The following ATP8B1 variants were observed in gnomAD, a reference collection of about 807,000 sequenced individuals.
ATP8B1 encodes the protein ATPase phospholipid transporting 8B1.
ATP8B1 carries 80 observed loss-of-function variants against 149.9 expected under a neutral mutation model. The observed-to-expected ratio is 0.53, with a 90% CI of 0.45 to 0.64. The LOEUF (loss-of-function observed/expected upper bound fraction) is 0.64, where lower values mean the gene tolerates loss of function less well. Among genes scored for constraint, ATP8B1 ranks in the 30% least tolerant of loss-of-function variants. The probability of loss-of-function intolerance (pLI) is 0.00; values close to 1 mark genes in which losing one functional copy is unlikely to be tolerated. For missense variants in ATP8B1, 1,247 were observed against 1,552.6 expected, an observed-to-expected ratio of 0.80 and a Z score of 3.31; for synonymous variants, 536 against 562.8, an observed-to-expected ratio of 0.95 and a Z score of 0.67.
At chr18:57,664,501 GAAAAAAAAA>G (rs532262308) in intron 20 of ATP8B1, among the ~76,000 whole-genome samples, 5 of 99,480 alleles carry the variant, frequency 5.0e-5, no homozygotes, top group East Asian at 5.4e-4. Flanking sequence ...GTCTTTCTAA[GAAAAAAAAA>G]AAAAAAAAAA....
At position 57,648,562 on chromosome 18, in the gene ATP8B1, G is replaced by A. The variant is rs371785570; in HGVS notation, c.3682C>T (p.Arg1228Cys). 1.9e-6 allele frequency: 3 copies of A among 1,611,474 alleles called. No homozygotes were observed. The highest frequency in any genetic ancestry group is 2.7e-5 in the African/African-American group (2 of 74,998). ...GCATCAAGCGGCGAGCGCTTCTTGC[G>A]GATGCTGCGCCCGGAGGAGATGAGG... is the stretch of plus-strand genomic sequence containing the variant. Reference protein sequence around the residue: ...ADLISSGRSIRKKRSPLDAIV... With the variant: ...ADLISSGRSICKKRSPLDAIV... The change falls in exon 28 of 28, where the codon CGC becomes TGC. Residue 1228 changes from arginine to cysteine, a missense_variant. Transcript: ENST00000648908.
chr18:57,791,351 CTTTT>C (rs570282416), intron 1 of ATP8B1, among the ~76,000 whole-genome samples: 6 of 82,376 alleles, frequency 7.3e-5, no homozygotes, highest in Admixed American at 2.2e-4. Context: ...CTTTTCTTTT[CTTTT>C]TTTTTTTTTT....
intron 11 of ATP8B1, among the ~76,000 whole-genome samples, chr18:57,692,425 ATTTTTTTTTTTT>A (rs10547283): frequency 5.3e-5 from 3 of 57,038 alleles, no homozygotes; most frequent in East Asian, 1.4e-3. Flanking sequence ...TATTCAACAG[ATTTTTTTTTTTT>A]TTTTTTTTTT....
At chr18:57,701,358 C>G in intron 4 of ATP8B1, 45 bp from the exon 5 acceptor site, 1 of 1,535,858 alleles carries the variant, frequency 6.5e-7, no homozygotes, top group Non-Finnish European at 9.0e-7. Context: ...GAAGGCATAT[C>G]AAGCTTACAG....
At chr18:57,672,988 A>AAGATATGTATATATATAAAT in intron 16 of ATP8B1, among the ~76,000 whole-genome samples, 1 of 36,592 alleles carries the variant, frequency 2.7e-5, no homozygotes. Context: ...CACATATATA[A>AAGATATGTATATATATAAAT]ATACATGTAT....
At chr18:57,723,099 C>T (rs2079664689) in intron 2 of ATP8B1, among the ~76,000 whole-genome samples, 1 of 151,426 alleles carries the variant, frequency 6.6e-6, no homozygotes, top group East Asian at 1.9e-4. Context: ...GGACGTATTT[C>T]AAAATAATAA....
intron 14 of ATP8B1, among the ~76,000 whole-genome samples, chr18:57,684,629 G>A (rs1912142652): frequency 6.6e-6 from 1 of 152,110 alleles, no homozygotes; most frequent in Non-Finnish European, 1.5e-5. Context: ...GGGATTACAG[G>A]CATGAGCCAC....
chr18:57,724,388 T>C (rs2079682604), intron 2 of ATP8B1, among the ~76,000 whole-genome samples: 1 of 140,016 alleles, frequency 7.1e-6, no homozygotes, highest in South Asian at 2.3e-4. Context: ...TACAATGAAC[T>C]CAAACAAATT....
chr18:57,729,549 C>CTTTCTTTTTTT (rs1341032294), intron 2 of ATP8B1, among the ~76,000 whole-genome samples: 6 of 120,740 alleles, frequency 5.0e-5, no homozygotes, highest in African/African-American at 1.9e-4. Context: ...TTCTTTCTTT[C>CTTTCTTTTTTT]TTTTTTTTTT....
chr18:57,798,934 G>A (rs1485374536), intron 1 of ATP8B1, among the ~76,000 whole-genome samples: 1 of 152,214 alleles, frequency 6.6e-6, no homozygotes, highest in African/African-American at 2.4e-5. Context: ...ATACTAACTT[G>A]TAGAATGATT....
In ATP8B1 at chr18:57,731,778, T is replaced by A. The variant is rs1001285101; in HGVS notation, c.30A>T (p.Thr10=). Residue 10 remains threonine (T), a synonymous_variant, in exon 2 of 28, where the codon ACA becomes ACT. Coordinates refer to ENST00000648908, the MANE Select transcript of ATP8B1 (RefSeq NM_001374385.1). MSTERDSET[T]FDEDSQPNDE... ...CATTAGGCTGAGAATCCTCGTCAAA[T>A]GTCGTTTCTGAGTCTCTTTCTGTAC... 1 of 1,614,112 alleles carries A rather than the reference T, an allele frequency of 6.2e-7. No individual in the cohort carries two copies. The highest frequency in any genetic ancestry group is 8.5e-7 in the Non-Finnish European group (1 of 1,180,002).
At chr18:57,730,421 G>T (rs1416296873) in intron 2 of ATP8B1, among the ~76,000 whole-genome samples, 1 of 152,064 alleles carries the variant, frequency 6.6e-6, no homozygotes, top group Non-Finnish European at 1.5e-5. Flanking sequence ...GTGATGCTAA[G>T]GTTGTTCGGC....
rs539160602 is a variant in ATP8B1, at chr18:57,698,583, C to A, written c.555-716G>T. On this transcript the variant is annotated intron_variant, in intron 6 of 27. Coordinates refer to ENST00000648908, the MANE Select transcript of ATP8B1 (RefSeq NM_001374385.1). ...CTCCTGACCTCAGGTGATCCACCCA[C>A]CTCGGCCTCCCAAAGTGCTGGGATT... Among the ~76,000 whole-genome samples, 8 of 152,328 alleles carry A rather than the reference C, an allele frequency of 5.3e-5. No homozygotes were observed. In the South Asian group the frequency reaches 1.7e-3, roughly 32 times the overall value.
intron 12 of ATP8B1, 120 bp from the exon 13 acceptor site, chr18:57,688,627 T>G: frequency 2.0e-6 from 2 of 1,015,682 alleles, no homozygotes; most frequent in Non-Finnish European, 3.0e-6. Flanking sequence ...GGTCTGAATG[T>G]TAGAATCCCC....
At position 57,730,428 on chromosome 18, in the gene ATP8B1, C is replaced by T. The variant is rs1479353275; in HGVS notation, c.181+1199G>A. ...CTGTGAATGTGATGCTAAGGTTGTT[C>T]GGCTAGAATTTTAGGGAACACCATG... On this transcript the variant is annotated intron_variant, in intron 2 of 27. Transcript: ENST00000648908. Among the ~76,000 whole-genome samples, 5 of 152,014 alleles carry T rather than the reference C, an allele frequency of 3.3e-5. No homozygotes were observed. In the East Asian group the frequency reaches 9.6e-4, roughly 29 times the overall value.
At chr18:57,666,240 A>G (rs1472820144) in intron 20 of ATP8B1, among the ~76,000 whole-genome samples, 1 of 152,206 alleles carries the variant, frequency 6.6e-6, no homozygotes, top group Admixed American at 6.5e-5. Context: ...GGGCTTTTTC[A>G]TCATACATTT....
Position 57,695,278 on chromosome 18 carries a change from G to A in ATP8B1, c.833C>T (p.Thr278Ile). 1 of 1,612,574 alleles carries A rather than the reference G, an allele frequency of 6.2e-7. No homozygotes were observed. The highest frequency in any genetic ancestry group is 1.7e-5 in the Admixed American group (1 of 60,002). ...AAAACTTGTGTTTCTCCAAAATAGT[G>A]TTCCTGTAAACTTATCTAGTCTGTT... is the stretch of plus-strand genomic sequence containing the variant. Reference protein sequence around the residue: ...PNNRLDKFTGTLFWRNTSFPL... With the variant: ...PNNRLDKFTGILFWRNTSFPL... The change falls in exon 10 of 28, where the codon ACA becomes ATA. Residue 278 changes from threonine to isoleucine, a missense_variant. Transcript: ENST00000648908.
intron 2 of ATP8B1, among the ~76,000 whole-genome samples, chr18:57,728,538 T>C (rs1599162242): frequency 1.3e-5 from 2 of 151,732 alleles, no homozygotes; most frequent in Admixed American, 6.6e-5. Context: ...AGGAAAGAGG[T>C]CTGGCATTTA....
At chr18:57,660,558 G>A (rs756071935) in intron 22 of ATP8B1, among the ~76,000 whole-genome samples, 19 of 152,110 alleles carry the variant, frequency 1.2e-4, no homozygotes, top group East Asian at 1.9e-4. Flanking sequence ...TCACTCTGTC[G>A]TCCAGGCTGG....
Sources: gnomAD v4.1 joint callset for allele counts (sites outside exome capture counted in the v4.1 genomes callset) on GRCh38, gnomAD v4.1.1 for gene constraint, MANE v1.5 for transcripts, NCBI Gene and HGNC (gene_info 2026-07-23, HGNC 2026-07-21) for gene names.